Variants in SEMA3A observed in about 807,000 individuals in gnomAD.
SEMA3A encodes the protein semaphorin-3A.
A neutral mutation model predicts 97.9 loss-of-function variants in SEMA3A; 29 were observed. The observed-to-expected ratio is 0.30, with a 90% CI of 0.22 to 0.40. The LOEUF (loss-of-function observed/expected upper bound fraction) is 0.40. SEMA3A is among the 10% of genes least tolerant of loss of function. SEMA3A has a pLI of 1.00. For synonymous variants in SEMA3A, 321 were observed against 323.7 expected, an observed-to-expected ratio of 0.99 and a Z score of 0.09; for missense variants, 763 against 951.3, an observed-to-expected ratio of 0.80 and a Z score of 2.60.
At chr7:84,437,468 T>A (rs943890172) in intron 1 of SEMA3A, among the ~76,000 whole-genome samples, 1 of 152,010 alleles carries the variant, frequency 6.6e-6, no homozygotes, top group African/African-American at 2.4e-5. Context: ...ACATTTCCCC[T>A]TTTTTGTTTT....
intron 1 of SEMA3A, among the ~76,000 whole-genome samples, chr7:84,154,231 C>A (rs2116137336): frequency 6.6e-6 from 1 of 151,962 alleles, no homozygotes; most frequent in South Asian, 2.1e-4. Flanking sequence ...ATTAAAAATA[C>A]AATACAACTT....
chr7:84,459,691 G>A (rs1475081799), intron 1 of SEMA3A, among the ~76,000 whole-genome samples: 1 of 151,970 alleles, frequency 6.6e-6, no homozygotes, highest in Non-Finnish European at 1.5e-5. Flanking sequence ...ATAATCTTAA[G>A]GAATAAATTT....
intron 3 of SEMA3A, among the ~76,000 whole-genome samples, chr7:84,261,661 T>C (rs1012943050): frequency 1.3e-5 from 2 of 152,216 alleles, no homozygotes; most frequent in South Asian, 4.1e-4. Flanking sequence ...CCAGCTGGCA[T>C]GCTTGGCTGT....
intron 4 of SEMA3A, among the ~76,000 whole-genome samples, chr7:84,073,632 A>G (rs1793828091): frequency 6.6e-6 from 1 of 152,128 alleles, no homozygotes; most frequent in South Asian, 2.1e-4. Flanking sequence ...GATGAATCTG[A>G]CAGGGATGAT....
intron 1 of SEMA3A, among the ~76,000 whole-genome samples, chr7:84,466,348 T>C (rs990697783): frequency 6.6e-6 from 1 of 152,022 alleles, no homozygotes; most frequent in African/African-American, 2.4e-5. Context: ...AATTTTTGTA[T>C]TTTTAGTAGA....
chr7:84,342,877 C>T (rs144718997), intron 2 of SEMA3A, among the ~76,000 whole-genome samples: 64 of 152,264 alleles, frequency 4.2e-4, no homozygotes, highest in Non-Finnish European at 7.5e-4. Flanking sequence ...TGGCAAAGAA[C>T]ACTATAGGCT....
At chr7:84,130,484 T>G (rs1795931491) in intron 2 of SEMA3A, among the ~76,000 whole-genome samples, 1 of 152,166 alleles carries the variant, frequency 6.6e-6, no homozygotes, top group African/African-American at 2.4e-5. Flanking sequence ...GTATTCTTTC[T>G]ATCTTATGTG....
intron 1 of SEMA3A, among the ~76,000 whole-genome samples, chr7:84,154,017 T>G (rs1300479348): frequency 6.6e-6 from 1 of 152,054 alleles, no homozygotes; most frequent in East Asian, 1.9e-4. Flanking sequence ...AGGAGAACAC[T>G]ACATATTTCG....
At chr7:84,065,276 AG>A (rs1362882113) in intron 4 of SEMA3A, among the ~76,000 whole-genome samples, 1 of 124,558 alleles carries the variant, frequency 8.0e-6, no homozygotes. Context: ...AGCAGTGTGT[AG>A]AGGGAAATTT....
intron 1 of SEMA3A, among the ~76,000 whole-genome samples, chr7:84,465,797 T>C (rs1305093479): frequency 1.3e-5 from 2 of 152,158 alleles, no homozygotes; most frequent in East Asian, 1.9e-4. Flanking sequence ...GACTACTTAT[T>C]GCCTTCATTA....
At chr7:84,106,976 T>C (rs1344086944) in intron 4 of SEMA3A, among the ~76,000 whole-genome samples, 2 of 152,196 alleles carry the variant, frequency 1.3e-5, no homozygotes, top group African/African-American at 4.8e-5. Context: ...TTATTTCACA[T>C]TGCATGGGGC....
intron 4 of SEMA3A, among the ~76,000 whole-genome samples, chr7:84,078,506 T>C (rs1794031627): frequency 6.6e-6 from 1 of 152,126 alleles, no homozygotes; most frequent in Non-Finnish European, 1.5e-5. Flanking sequence ...ATCTTCTAAA[T>C]ACTTGCCATT....
intron 1 of SEMA3A, among the ~76,000 whole-genome samples, chr7:84,145,335 G>T (rs544553754): frequency 6.6e-6 from 1 of 152,062 alleles, no homozygotes; most frequent in Non-Finnish European, 1.5e-5. Context: ...TGTATGTCTA[G>T]CCCTAGAACC....
chr7:84,188,862 T>C (rs538243993), intron 1 of SEMA3A, among the ~76,000 whole-genome samples: 123 of 152,072 alleles, frequency 8.1e-4, no homozygotes, highest in African/African-American at 2.6e-3. Flanking sequence ...TCAATATCTT[T>C]AGCAAATTTC....
At chr7:84,242,266 G>C (rs906889396) in intron 3 of SEMA3A, among the ~76,000 whole-genome samples, 1 of 152,122 alleles carries the variant, frequency 6.6e-6, no homozygotes, top group Non-Finnish European at 1.5e-5. Context: ...TATGAGCATG[G>C]AATGTTTTTC....
chr7:84,103,402 T>A (rs1322893190), intron 4 of SEMA3A, among the ~76,000 whole-genome samples: 2 of 151,948 alleles, frequency 1.3e-5, no homozygotes, highest in African/African-American at 4.8e-5. Flanking sequence ...AAATTTTAAA[T>A]TAAAAAAAAT....
At chr7:84,106,284 C>A (rs1055072811) in intron 4 of SEMA3A, among the ~76,000 whole-genome samples, 1 of 152,118 alleles carries the variant, frequency 6.6e-6, no homozygotes, top group African/African-American at 2.4e-5. Flanking sequence ...AGCCTTGTCT[C>A]TCTTTACATA....
At position 84,479,681 on chromosome 7, in the gene SEMA3A, T is replaced by A. The variant is rs571494705; in HGVS notation, c.-246+12779A>T. 2.6e-5 allele frequency among the ~76,000 whole-genome samples: 4 copies of A among 152,260 alleles called. No homozygotes were observed. The East Asian group carries it at 7.7e-4, about 29-fold the overall frequency. On this transcript the variant is annotated intron_variant, in intron 1 of 3. Transcript: ENST00000424555. ...AAATAAACCTTAAAATTAATGTTTGTCAAAGAGCTATATTTTATTCTTAAA... is the reference window on the plus strand; with the variant it reads ...AAATAAACCTTAAAATTAATGTTTGACAAAGAGCTATATTTTATTCTTAAA...
At chr7:83,963,434 A>G in intron 15 of SEMA3A, 87 bp from the exon 16 acceptor site, 1 of 1,399,484 alleles carries the variant, frequency 7.1e-7, no homozygotes, top group Non-Finnish European at 9.8e-7. Context: ...TTCAGGAGAC[A>G]AGTTATTGCC....
Sources: allele counts gnomAD v4.1 joint callset (sites outside exome capture counted in the v4.1 genomes callset), GRCh38; gene constraint gnomAD v4.1.1; transcripts MANE v1.5; gene names NCBI Gene and HGNC (gene_info 2026-07-23, HGNC 2026-07-21).